The following NUP188 variants were observed in gnomAD, a reference collection of about 807,000 sequenced individuals.
NUP188 encodes nucleoporin 188.
In NUP188, 97 loss-of-function variants were observed where a neutral mutation model predicts 223.0. That is an observed-to-expected ratio of 0.43 (90% CI 0.37 to 0.51). NUP188 has a LOEUF of 0.51. Among genes scored for constraint, NUP188 ranks in the 20% least tolerant of loss-of-function variants. The pLI, the probability that NUP188 is intolerant of heterozygous loss-of-function variation, is 0.00. For synonymous variants in NUP188, 869 were observed against 828.0 expected (o/e 1.05, Z -0.85); for missense variants, 1,947 against 2,175.6 (o/e 0.89, Z 2.09).
chr9:128,979,503 TGTGAA>T (rs1453882414), intron 13 of NUP188, among the ~76,000 whole-genome samples, 176 bp downstream of exon 13: 1 of 152,236 alleles, frequency 6.6e-6, no homozygotes, highest in Non-Finnish European at 1.5e-5. Context: ...CACTTAGAGA[TGTGAA>T]GTGATTTGCT....
intron 19 of NUP188, among the ~76,000 whole-genome samples, chr9:128,984,496 A>G (rs1251768119): frequency 1.3e-5 from 2 of 152,100 alleles, no homozygotes; most frequent in Non-Finnish European, 2.9e-5. Context: ...CAGCCCAGAA[A>G]ATCCAGAGGT....
chr9:128,974,600 C>A (rs567195530), intron 12 of NUP188, among the ~76,000 whole-genome samples: 1 of 152,098 alleles, frequency 6.6e-6, no homozygotes, highest in Admixed American at 6.6e-5. Context: ...CCCCATGAGC[C>A]CATCACCAGC....
chr9:128,998,184 C>T lies in NUP188; in HGVS notation c.3385C>T (p.Arg1129Cys), dbSNP rs146235160. 5.3e-5 allele frequency: 86 copies of T among 1,613,932 alleles called. 1 individual carries two copies. Among genetic ancestry groups the T allele is most frequent in the East Asian group, 4.2e-4 (19 of 44,882 alleles). The change falls in exon 31 of 44, where the codon CGT (arginine) becomes TGT (cysteine). Residue 1129 changes from arginine (R) to cysteine (C), a missense_variant. Physicochemically the swap from Arg to Cys is radical, Grantham distance 180 (BLOSUM62 -3). Coordinates refer to ENST00000372577, the MANE Select transcript of NUP188 (RefSeq NM_015354.3). ...DIMHLTDSVV[R>C]RQLFLDVLDG... is the part of the protein sequence containing the mutation. ...AATGCACCTGACTGACTCTGTGGTG[C>T]GTCGCCAGCTCTTTCTTGACGTGCT...
At chr9:128,971,411 G>T (rs1320187582) in intron 11 of NUP188, among the ~76,000 whole-genome samples, 2 of 148,528 alleles carry the variant, frequency 1.3e-5, no homozygotes, top group African/African-American at 5.0e-5. Context: ...TAGAGAGCTT[G>T]TTTGTTTGTT....
Position 128,957,232 on chromosome 9 carries a change from G to A in NUP188, c.327+200G>A, listed in dbSNP as rs1207142874. On this transcript the variant is annotated intron_variant, in intron 5 of 43. Coordinates refer to ENST00000372577, the MANE Select transcript of NUP188 (RefSeq NM_015354.3). ...TTGTGCCTGTACTCCCAGCTTCTTGGGAGGCTGAGGCAGGAGGATCACTTG... is the reference window on the plus strand; with the variant it reads ...TTGTGCCTGTACTCCCAGCTTCTTGAGAGGCTGAGGCAGGAGGATCACTTG... Among the ~76,000 whole-genome samples, 3 of 152,244 alleles carry A rather than the reference G, an allele frequency of 2.0e-5. No individual in the cohort carries two copies. The East Asian group carries it at 5.8e-4, about 29-fold the overall frequency.
chr9:128,975,387 CTTTT>C (rs898524577), intron 12 of NUP188, among the ~76,000 whole-genome samples: 1 of 151,300 alleles, frequency 6.6e-6, no homozygotes, highest in East Asian at 1.9e-4. Context: ...CCATGCCTGG[CTTTT>C]TTTTGTATTT....
At position 128,999,725 on chromosome 9, in the gene NUP188, T is replaced by C; in HGVS notation, c.3763T>C (p.Leu1255=). 6.2e-7 allele frequency: 1 copy of C among 1,614,180 alleles called. No individual in the cohort carries two copies. Among genetic ancestry groups the C allele is most frequent in the Non-Finnish European group, 8.5e-7 (1 of 1,180,014 alleles). The change falls in exon 34 of 44, where the codon TTA becomes CTA. Residue 1255 remains leucine, a synonymous_variant. Transcript: ENST00000372577. Reference sequence around the variant, plus strand: ...CGACCAGACCCGCCACAGTCTGGCATTAGGCAGTGCCACAGAGGACAAGGA... The same window carrying C: ...CGACCAGACCCGCCACAGTCTGGCACTAGGCAGTGCCACAGAGGACAAGGA... ...LFDQTRHSLA[L]GSATEDKDSM...
chr9:128,983,420 C>G, intron 18 of NUP188, 40 bp downstream of exon 18: 1 of 1,611,714 alleles, frequency 6.2e-7, no homozygotes. Context: ...AAATGTAGCA[C>G]TTGGCACATA....
At chr9:128,972,729 C>T (rs1842120196) in intron 11 of NUP188, among the ~76,000 whole-genome samples, 1 of 152,182 alleles carries the variant, frequency 6.6e-6, no homozygotes, top group Non-Finnish European at 1.5e-5. Context: ...CTCAGTTTTG[C>T]TATGAACCTA....
chr9:128,972,303 A>C (rs1842115238), intron 11 of NUP188, among the ~76,000 whole-genome samples: 2 of 152,238 alleles, frequency 1.3e-5, no homozygotes, highest in Admixed American at 1.3e-4. Flanking sequence ...CATGGAGAAG[A>C]CATTAAATGC....
In NUP188 at chr9:128,968,616, A is replaced by G; in HGVS notation, c.696A>G (p.Leu232=). 6 of 1,613,908 alleles carry G rather than the reference A, an allele frequency of 3.7e-6. No individual in the cohort carries two copies. Among genetic ancestry groups the G allele is most frequent in the Non-Finnish European group, 5.1e-6 (6 of 1,179,818 alleles). The part of the protein sequence containing the change: ...YAYFEMAPSD[L]LVLTKMFKEQ... ...ACTTTGAGATGGCACCCAGTGACTT[A>G]CTTGTATTAACCAAGATGTTTAAAG... The change falls in exon 9 of 44, where the codon TTA becomes TTG. Residue 232 remains leucine (L), a synonymous_variant. Transcript: ENST00000372577.
chr9:129,001,726 G>T lies in NUP188; in HGVS notation c.4041G>T (p.Gln1347His), dbSNP rs1475043495. 4 of 1,613,240 alleles carry T rather than the reference G, an allele frequency of 2.5e-6. No homozygotes were observed. Among genetic ancestry groups the T allele is most frequent in the East Asian group, 4.5e-5 (2 of 44,864 alleles). Reference sequence around the variant, plus strand: ...TGCTCCTCACCCTGGCTCGCACTCAGCAGGTAGGAGGCCAGCCCGAAGGCA... The same window carrying T: ...TGCTCCTCACCCTGGCTCGCACTCATCAGGTAGGAGGCCAGCCCGAAGGCA... Reference protein sequence around the residue: ...LHLLLTLARTQQGATAVAGAG... With the variant: ...LHLLLTLARTHQGATAVAGAG... Residue 1347 changes from glutamine to histidine, a missense_variant, in exon 35 of 44, where the codon CAG (glutamine) becomes CAT (histidine). By Grantham distance (24) the Gln-to-His change is conservative. Around this residue, in one of 3 missense-constraint regions of NUP188, gnomAD observed 905 missense variants for 990.6 expected, o/e 0.91. Transcript: ENST00000372577.
Position 128,995,518 on chromosome 9 carries a change from A to T in NUP188, c.3351+4A>T. ...TCTCATCATTGCCACCACTCATGTAAGACCCTTTTGGGGAGAGTTTTCACT... is the reference window on the plus strand; with the variant it reads ...TCTCATCATTGCCACCACTCATGTATGACCCTTTTGGGGAGAGTTTTCACT... On this transcript the variant is annotated splice_donor_region_variant and intron_variant, in intron 30 of 43. Transcript: ENST00000372577. 1 of 1,577,346 alleles carries T rather than the reference A, an allele frequency of 6.3e-7. No homozygotes were observed. Among genetic ancestry groups the T allele is most frequent in the Non-Finnish European group, 8.6e-7 (1 of 1,163,302 alleles).
At chr9:128,961,128 TG>T (rs1416685829) in intron 8 of NUP188, among the ~76,000 whole-genome samples, 7 of 146,566 alleles carry the variant, frequency 4.8e-5, no homozygotes, top group Non-Finnish European at 3.0e-5. Context: ...AATGCAAGTC[TG>T]GCCAATATGG....
Position 128,993,613 on chromosome 9 carries a change from T to G in NUP188, c.2936T>G (p.Leu979Arg), listed in dbSNP as rs1842467666. The change falls in exon 27 of 44, where the codon CTG becomes CGG. Residue 979 changes from leucine to arginine, a missense_variant. Leu to Arg is a moderately radical substitution (Grantham distance 102). Coordinates refer to ENST00000372577, the MANE Select transcript of NUP188 (RefSeq NM_015354.3). Reference protein sequence around the residue: ...QQQDRYWCPPLLHRAAIAFLH... With the variant: ...QQQDRYWCPPRLHRAAIAFLH... ...CAAGATCGATACTGGTGCCCACCCCTGCTGCATCGTGCCGCCATTGCCTTT... is the reference window on the plus strand; with the variant it reads ...CAAGATCGATACTGGTGCCCACCCCGGCTGCATCGTGCCGCCATTGCCTTT... 6.2e-7 allele frequency: 1 copy of G among 1,614,072 alleles called. No individual in the cohort carries two copies. Among genetic ancestry groups the G allele is most frequent in the Admixed American group, 1.7e-5 (1 of 60,002 alleles).
intron 30 of NUP188, 30 bp from the exon 31 acceptor site, chr9:128,998,121 C>T (rs1319967133): frequency 6.3e-7 from 1 of 1,586,162 alleles, no homozygotes; most frequent in Non-Finnish European, 8.7e-7. Context: ...AAAATTTTCC[C>T]AGCTGAAACC....
chr9:128,982,261 C>A (rs1842264537), intron 15 of NUP188, among the ~76,000 whole-genome samples: 1 of 152,028 alleles, frequency 6.6e-6, no homozygotes, highest in Admixed American at 6.6e-5. Context: ...AAAACCCCAT[C>A]TCTACTAAAA....
chr9:128,952,094 A>T (rs1841797142), intron 2 of NUP188, among the ~76,000 whole-genome samples: 1 of 152,034 alleles, frequency 6.6e-6, no homozygotes, highest in South Asian at 2.1e-4. Context: ...TGCCTGGCCG[A>T]GTCTGATTAT....
chr9:128,952,869 G>A (rs775828147), intron 3 of NUP188, 23 bp downstream of exon 3: 1 of 1,591,776 alleles, frequency 6.3e-7, no homozygotes, highest in Admixed American at 1.7e-5. Flanking sequence ...CGGGTGTCTG[G>A]TTAAAGTAAT....
Sources: allele counts gnomAD v4.1 joint callset (sites outside exome capture counted in the v4.1 genomes callset), GRCh38; gene constraint gnomAD v4.1.1; regional missense constraint gnomAD v4.1.1; transcripts MANE v1.5; gene names NCBI Gene and HGNC (gene_info 2026-07-23, HGNC 2026-07-21).